Variants in SRRM4 observed in about 807,000 individuals in gnomAD.
SRRM4 encodes serine/arginine repetitive matrix protein 4.
SRRM4 carries 33 observed loss-of-function variants against 68.9 expected under a neutral mutation model. The ratio of observed to expected loss-of-function variants is 0.48; its 90% CI spans 0.36 to 0.64. The LOEUF (loss-of-function observed/expected upper bound fraction) is 0.64, where lower values mean the gene tolerates loss of function less well. SRRM4 is among the 30% of genes least tolerant of loss of function. The pLI is 0.00. For missense variants in SRRM4, 817 were observed against 827.1 expected (o/e 0.99, Z 0.15); for synonymous variants, 318 against 318.8 (o/e 1.00, Z 0.03).
intron 1 of SRRM4, among the ~76,000 whole-genome samples, chr12:119,027,751 T>C (rs986760957): frequency 1.3e-5 from 2 of 152,236 alleles, no homozygotes; most frequent in African/African-American, 4.8e-5. Flanking sequence ...TTTATTATTA[T>C]GATCCCTGTC....
At chr12:119,108,566 G>T (rs890354967) in intron 2 of SRRM4, among the ~76,000 whole-genome samples, 1 of 152,040 alleles carries the variant, frequency 6.6e-6, no homozygotes, top group Non-Finnish European at 1.5e-5. Context: ...TTACCATAAT[G>T]TAATGGCCTT....
chr12:119,020,366 T>C (rs1444768305), intron 1 of SRRM4, among the ~76,000 whole-genome samples: 3 of 152,186 alleles, frequency 2.0e-5, no homozygotes, highest in Non-Finnish European at 2.9e-5. Flanking sequence ...TTGATTATGC[T>C]CACCGTACTA....
chr12:118,990,476 G>A (rs562150121), intron 1 of SRRM4, among the ~76,000 whole-genome samples: 4 of 152,258 alleles, frequency 2.6e-5, no homozygotes, highest in East Asian at 1.9e-4. Context: ...ATGATCACAC[G>A]GTGTGTAAGT....
chr12:119,046,712 T>A (rs906478520), intron 1 of SRRM4, among the ~76,000 whole-genome samples: 33 of 152,248 alleles, frequency 2.2e-4, no homozygotes, highest in African/African-American at 7.9e-4. Flanking sequence ...CTCTCCATTA[T>A]CCAATCTCTC....
At chr12:119,150,711 T>A (rs1293664717) in intron 9 of SRRM4, among the ~76,000 whole-genome samples, 1 of 152,196 alleles carries the variant, frequency 6.6e-6, no homozygotes, top group Non-Finnish European at 1.5e-5. Flanking sequence ...CACCATGTAA[T>A]CTGATGTTAC....
At chr12:119,112,717 CT>C (rs1220182309) in intron 2 of SRRM4, among the ~76,000 whole-genome samples, 2 of 152,302 alleles carry the variant, frequency 1.3e-5, no homozygotes, top group African/African-American at 4.8e-5. Context: ...AAACCAAATA[CT>C]GCATGATCTC....
chr12:119,088,019 G>T (rs569591567), intron 1 of SRRM4, among the ~76,000 whole-genome samples: 1 of 152,278 alleles, frequency 6.6e-6, no homozygotes, highest in East Asian at 1.9e-4. Context: ...TACATACTAG[G>T]TCCTCAATAA....
intron 1 of SRRM4, among the ~76,000 whole-genome samples, chr12:119,007,019 C>T (rs1425538633): frequency 6.6e-6 from 1 of 152,208 alleles, no homozygotes; most frequent in Non-Finnish European, 1.5e-5. Context: ...AGTGGGCCAC[C>T]TCAGGGTCAG....
At chr12:119,022,267 C>A (rs557550679) in intron 1 of SRRM4, among the ~76,000 whole-genome samples, 1 of 152,084 alleles carries the variant, frequency 6.6e-6, no homozygotes, top group African/African-American at 2.4e-5. Context: ...CACTTGACTC[C>A]GATGATTTCA....
intron 7 of SRRM4, among the ~76,000 whole-genome samples, chr12:119,126,593 CA>C (rs1380426190): frequency 1.3e-5 from 2 of 152,160 alleles, no homozygotes; most frequent in Non-Finnish European, 2.9e-5. Flanking sequence ...AATGCCTTTT[CA>C]ACTCAGTTTT....
chr12:119,084,858 T>A (rs1327997898), intron 1 of SRRM4, among the ~76,000 whole-genome samples: 1 of 152,190 alleles, frequency 6.6e-6, no homozygotes, highest in East Asian at 1.9e-4. Flanking sequence ...GATGATCAAG[T>A]TGAAGGAGGC....
chr12:119,078,085 G>A (rs2136029839), intron 1 of SRRM4, among the ~76,000 whole-genome samples: 1 of 152,274 alleles, frequency 6.6e-6, no homozygotes, highest in Non-Finnish European at 1.5e-5. Flanking sequence ...TCTACCCAAA[G>A]ACAACATAAG....
At chr12:119,077,287 G>C (rs946696213) in intron 1 of SRRM4, among the ~76,000 whole-genome samples, 5 of 152,110 alleles carry the variant, frequency 3.3e-5, no homozygotes, top group African/African-American at 1.2e-4. Flanking sequence ...TCTGATGTGG[G>C]CCCAGAAGTT....
chr12:119,033,837 A>G (rs1486842363), intron 1 of SRRM4, among the ~76,000 whole-genome samples: 2 of 152,302 alleles, frequency 1.3e-5, no homozygotes, highest in African/African-American at 4.8e-5. Context: ...ATATTAATAA[A>G]CTTGATATGT....
intron 1 of SRRM4, among the ~76,000 whole-genome samples, chr12:119,077,768 A>C (rs1284163560): frequency 1.3e-5 from 2 of 152,206 alleles, no homozygotes; most frequent in African/African-American, 4.8e-5. Flanking sequence ...GCTATCCCAT[A>C]AATATTTGTT....
intron 8 of SRRM4, among the ~76,000 whole-genome samples, chr12:119,140,230 T>TA (rs1251581993): frequency 6.6e-6 from 1 of 152,004 alleles, no homozygotes; most frequent in African/African-American, 2.4e-5. Flanking sequence ...CAAAAAAAAT[T>TA]ACCTGGGCGT....
chr12:119,149,725 G>A (rs1255337967), intron 9 of SRRM4, among the ~76,000 whole-genome samples: 1 of 152,140 alleles, frequency 6.6e-6, no homozygotes, highest in African/African-American at 2.4e-5. Flanking sequence ...AAGAGAATAG[G>A]GATATTTCAG....
intron 1 of SRRM4, among the ~76,000 whole-genome samples, chr12:118,988,312 T>G (rs10775011): frequency 0.39 from 59,391 of 152,130 alleles, 11,856 homozygotes; most frequent in Admixed American, 0.49. Context: ...GGGTCTCAAA[T>G]ACCATTTCTT....
Position 119,120,444 on chromosome 12 carries a change from G to A in SRRM4, c.464+168G>A, listed in dbSNP as rs920008644. Among the ~76,000 whole-genome samples, 3 of 152,064 alleles carry A rather than the reference G, an allele frequency of 2.0e-5. 1 individual carries two copies. Among genetic ancestry groups the A allele is most frequent in the African/African-American group, 7.2e-5 (3 of 41,396 alleles). ...TGAAGGTCTGGGCTGTTTTTTCTGA[G>A]TATTCCAAGCCAGCTTTTGACTTCC... On this transcript the variant is annotated intron_variant, in intron 5 of 12. Transcript: ENST00000267260.
Sources: gnomAD v4.1 joint callset for allele counts (sites outside exome capture counted in the v4.1 genomes callset) on GRCh38, gnomAD v4.1.1 for gene constraint, MANE v1.5 for transcripts, NCBI Gene and HGNC (gene_info 2026-07-23, HGNC 2026-07-21) for gene names.